The following SLC25A21 variants were observed in gnomAD, a reference collection of about 807,000 sequenced individuals.
The protein encoded by SLC25A21 is mitochondrial 2-oxodicarboxylate carrier.
SLC25A21 carries 47 observed loss-of-function variants against 43.8 expected under a neutral mutation model. The observed-to-expected ratio is 1.07, with a 90% CI of 0.85 to 1.37. The LOEUF is 1.37. Ranked by LOEUF, SLC25A21 falls within the 40% of genes most tolerant of loss-of-function variation. SLC25A21 has a pLI of 0.00. For missense variants in SLC25A21, 352 were observed against 350.2 expected (o/e 1.00, Z -0.04); for synonymous variants, 131 against 121.3 (o/e 1.08, Z -0.52).
chr14:36,889,267 G>T (rs1373927791), intron 1 of SLC25A21, among the ~76,000 whole-genome samples: 2 of 152,160 alleles, frequency 1.3e-5, no homozygotes, highest in African/African-American at 2.4e-5. Context: ...ACTAGGTGTG[G>T]ATTAATTAGG....
chr14:36,728,209 A>G (rs1884676866), intron 5 of SLC25A21, among the ~76,000 whole-genome samples: 1 of 152,208 alleles, frequency 6.6e-6, no homozygotes. Flanking sequence ...ACTGAAATAA[A>G]TGAGTTCAAG....
At chr14:36,868,280 T>A (rs115810170) in intron 2 of SLC25A21, among the ~76,000 whole-genome samples, 1 of 152,164 alleles carries the variant, frequency 6.6e-6, no homozygotes, top group Admixed American at 6.5e-5. Flanking sequence ...CTCACAATTA[T>A]ACACACAGCT....
At chr14:36,719,310 A>T (rs894789435) in intron 6 of SLC25A21, among the ~76,000 whole-genome samples, 4 of 152,244 alleles carry the variant, frequency 2.6e-5, no homozygotes, top group Non-Finnish European at 5.9e-5. Flanking sequence ...CTACAAAGTC[A>T]CATTGGCAAG....
At chr14:36,891,875 T>C (rs1891081612) in intron 1 of SLC25A21, among the ~76,000 whole-genome samples, 1 of 152,148 alleles carries the variant, frequency 6.6e-6, no homozygotes, top group African/African-American at 2.4e-5. Context: ...GAGCAACCAG[T>C]GGCAGGAACC....
At chr14:36,824,471 T>A (rs1888749461) in intron 2 of SLC25A21, among the ~76,000 whole-genome samples, 1 of 152,116 alleles carries the variant, frequency 6.6e-6, no homozygotes, top group African/African-American at 2.4e-5. Flanking sequence ...GACAAACAAA[T>A]GGTAGTCATA....
intron 2 of SLC25A21, among the ~76,000 whole-genome samples, chr14:36,858,304 C>A (rs1435748930): frequency 2.0e-5 from 3 of 152,144 alleles, no homozygotes; most frequent in Non-Finnish European, 4.4e-5. Flanking sequence ...TCAGAAGGTT[C>A]TCCGAAGTGA....
intron 7 of SLC25A21, among the ~76,000 whole-genome samples, chr14:36,705,955 G>A (rs374087433): frequency 2.0e-5 from 3 of 152,094 alleles, no homozygotes; most frequent in Non-Finnish European, 2.9e-5. Context: ...ACTTGATGAC[G>A]TTCTTCAACA....
intron 1 of SLC25A21, among the ~76,000 whole-genome samples, chr14:36,991,175 G>A (rs1960254997): frequency 6.6e-6 from 1 of 152,194 alleles, no homozygotes. Context: ...ACCTGGGTAT[G>A]AGCAAAGAGT....
At chr14:37,093,619 T>G (rs187193540) in intron 1 of SLC25A21, among the ~76,000 whole-genome samples, 23 of 152,226 alleles carry the variant, frequency 1.5e-4, no homozygotes, top group African/African-American at 5.5e-4. Context: ...GTGGGCAAAA[T>G]TCATTGCGTG....
chr14:37,049,777 C>T (rs1961666737), intron 1 of SLC25A21, among the ~76,000 whole-genome samples: 1 of 151,854 alleles, frequency 6.6e-6, no homozygotes, highest in African/African-American at 2.4e-5. Flanking sequence ...GTAATGTATC[C>T]AAAATATTAT....
At chr14:36,799,052 G>T (rs1887776425) in intron 3 of SLC25A21, among the ~76,000 whole-genome samples, 2 of 152,082 alleles carry the variant, frequency 1.3e-5, no homozygotes, top group African/African-American at 4.8e-5. Context: ...GGAATCTTCA[G>T]GTCTGAATGA....
intron 1 of SLC25A21, among the ~76,000 whole-genome samples, chr14:36,889,552 T>C (rs983703513): frequency 6.6e-6 from 1 of 152,122 alleles, no homozygotes; most frequent in African/African-American, 2.4e-5. Context: ...AGTGGTGCAA[T>C]CATAGCTCAC....
chr14:36,786,872 C>T (rs1329907315), intron 3 of SLC25A21, among the ~76,000 whole-genome samples: 4 of 152,096 alleles, frequency 2.6e-5, no homozygotes, highest in African/African-American at 7.2e-5. Context: ...GGCCCAGCCT[C>T]GGGAGAGGCC....
chr14:37,065,162 G>A (rs1962033915), intron 1 of SLC25A21, among the ~76,000 whole-genome samples: 2 of 152,138 alleles, frequency 1.3e-5, no homozygotes, highest in Admixed American at 1.3e-4. Flanking sequence ...AGCCTTTATG[G>A]ATGAGGTGAC....
At chr14:37,116,296 T>C (rs2138884026) in intron 1 of SLC25A21, among the ~76,000 whole-genome samples, 1 of 152,312 alleles carries the variant, frequency 6.6e-6, no homozygotes, top group East Asian at 1.9e-4. Context: ...AGATAATCTT[T>C]CACTGGCCTC....
intron 1 of SLC25A21, among the ~76,000 whole-genome samples, chr14:36,982,244 T>A (rs1036321031): frequency 2.0e-5 from 3 of 152,262 alleles, no homozygotes; most frequent in East Asian, 1.9e-4. Context: ...GAGGAAGTTA[T>A]TTCAAAATAT....
intron 1 of SLC25A21, among the ~76,000 whole-genome samples, chr14:37,041,308 A>G (rs1961466118): frequency 6.6e-6 from 1 of 152,146 alleles, no homozygotes; most frequent in Admixed American, 6.6e-5. Context: ...TAAAAATATA[A>G]TCAATCTGTA....
chr14:36,912,318 G>C (rs1891709216), intron 1 of SLC25A21, among the ~76,000 whole-genome samples: 1 of 152,162 alleles, frequency 6.6e-6, no homozygotes, highest in Admixed American at 6.6e-5. Context: ...TATGAGAATG[G>C]GATGTACCAG....
intron 4 of SLC25A21, among the ~76,000 whole-genome samples, chr14:36,729,887 A>T (rs1162007708): frequency 6.6e-6 from 1 of 152,208 alleles, no homozygotes; most frequent in Admixed American, 6.5e-5. Context: ...TCAACATTAT[A>T]GGCCTAGAGA....
Sources: gnomAD v4.1 joint callset for allele counts (sites outside exome capture counted in the v4.1 genomes callset) on GRCh38, gnomAD v4.1.1 for gene constraint, MANE v1.5 for transcripts, NCBI Gene and HGNC (gene_info 2026-07-23, HGNC 2026-07-21) for gene names.